The following MAP3K4 variants were observed in gnomAD, a reference collection of about 807,000 sequenced individuals.
MAP3K4 encodes the protein mitogen-activated protein kinase kinase kinase 4.
A neutral mutation model predicts 185.6 loss-of-function variants in MAP3K4; 67 were observed. The observed-to-expected ratio is 0.36, with a 90% confidence interval of 0.30 to 0.44. The LOEUF is 0.44. Ranked by LOEUF, MAP3K4 falls within the 20% of genes least tolerant of loss-of-function variation. The pLI is 1.00. For missense variants in MAP3K4, 1,551 were observed against 1,995.1 expected (o/e 0.78, Z 4.24); for synonymous variants, 702 against 710.4 (o/e 0.99, Z 0.19).
At position 161,051,012 on chromosome 6, in the gene MAP3K4, G is replaced by T. The variant is rs182353470; in HGVS notation, c.1707+1033G>T. On this transcript the variant is annotated intron_variant, in intron 3 of 26. Coordinates refer to ENST00000392142, the MANE Select transcript of MAP3K4 (RefSeq NM_005922.4). This position sits in a 1 kb window ranked among gnomAD's most constrained non-coding sequence, Gnocchi z 4.2. ...ATATAACCAATGCACAACCTCGTAT[G>T]CTTTAATCTCGAGATTATGTGTAAT... is the stretch of plus-strand genomic sequence containing the variant. 2.6e-3 allele frequency among the ~76,000 whole-genome samples: 403 copies of T among 152,264 alleles called. 3 individuals are homozygous for T. The highest frequency in any genetic ancestry group is 3.7e-3 in the Non-Finnish European group (252 of 68,034).
Position 160,991,866 on chromosome 6 carries a change from G to T in MAP3K4, c.-66G>T. 3 of 1,424,512 alleles carry T rather than the reference G, an allele frequency of 2.1e-6. No individual in the cohort carries two copies. Among genetic ancestry groups the T allele is most frequent in the East Asian group, 5.9e-5 (2 of 33,804 alleles). The allele number at this position is 1,424,512 out of a possible 1,614,324, so 88.2% of individuals were successfully genotyped here. ...AGTCGAGTCACTCCCGCACTTCGGG[G>T]CTCCGGTGCCCCGCGCCAGGCTGCA... On this transcript the variant is annotated 5_prime_UTR_variant, in exon 1 of 27. Coordinates refer to ENST00000392142, the MANE Select transcript of MAP3K4 (RefSeq NM_005922.4). This position sits in a 1 kb window ranked among gnomAD's most constrained non-coding sequence, Gnocchi z 5.7.
chr6:160,993,751 C>T (rs1780857316), intron 1 of MAP3K4, among the ~76,000 whole-genome samples: 1 of 146,540 alleles, frequency 6.8e-6, no homozygotes, highest in African/African-American at 2.5e-5. Flanking sequence ...AAAAAAAAAA[C>T]TTGACTTTTC....
intron 11 of MAP3K4, among the ~76,000 whole-genome samples, 164 bp downstream of exon 11, chr6:161,089,635 T>A (rs1335815927): frequency 1.3e-5 from 2 of 152,200 alleles, no homozygotes; most frequent in Non-Finnish European, 2.9e-5. Context: ...AAACTACATA[T>A]TCTGAGATTC....
At chr6:161,040,938 G>C (rs1783421865) in intron 2 of MAP3K4, among the ~76,000 whole-genome samples, 1 of 152,238 alleles carries the variant, frequency 6.6e-6, no homozygotes. Context: ...TTCTGCAGGT[G>C]CAGTTAACCT....
chr6:161,044,899 G>A (rs1481439055), intron 2 of MAP3K4, among the ~76,000 whole-genome samples: 2 of 152,118 alleles, frequency 1.3e-5, no homozygotes, highest in African/African-American at 2.4e-5. Context: ...CCCGTGGGGA[G>A]GGCACTAAGC....
In MAP3K4 at chr6:161,017,034, A is replaced by T. The variant is rs759695725; in HGVS notation, c.153-17225A>T. Among the ~76,000 whole-genome samples the T allele has an allele frequency of 2.0e-5, 3 of 152,166 alleles. No individual in the cohort carries two copies. The highest frequency in any genetic ancestry group is 2.0e-4 in the Admixed American group (3 of 15,276). On this transcript the variant is annotated intron_variant, in intron 1 of 26. Transcript: ENST00000392142. This position sits in a 1 kb window ranked among gnomAD's most constrained non-coding sequence, Gnocchi z 5.1. Reference sequence around the variant, plus strand: ...ATGTTAATAAAAGTTACTAGTAATGATATATATCTCGGGAGTATAATGCTT... The same window carrying T: ...ATGTTAATAAAAGTTACTAGTAATGTTATATATCTCGGGAGTATAATGCTT...
rs561689000 is a variant in MAP3K4 at position 161,056,055 on chromosome 6, C to T, written c.1707+6076C>T. On this transcript the variant is annotated intron_variant, in intron 3 of 26. Transcript: ENST00000392142. This position sits in a 1 kb window ranked among gnomAD's most constrained non-coding sequence, Gnocchi z 5.4. ...TTTACTTTGAATTATAATCCAGTAC[C>T]ATTGTTACTGATTTTGTTGCTCAGG... Among the ~76,000 whole-genome samples the T allele has an allele frequency of 6.6e-6, 1 of 152,310 alleles. No homozygotes were observed. The highest frequency in any genetic ancestry group is 6.5e-5 in the Admixed American group (1 of 15,296).
chr6:161,038,523 ATTAACT>A (rs1232678361), intron 2 of MAP3K4, among the ~76,000 whole-genome samples: 1 of 152,246 alleles, frequency 6.6e-6, no homozygotes, highest in Non-Finnish European at 1.5e-5. Flanking sequence ...GAGTCATACT[ATTAACT>A]TTAGAACTGC....
intron 15 of MAP3K4, among the ~76,000 whole-genome samples, chr6:161,095,326 CAA>C: frequency 6.6e-6 from 1 of 152,254 alleles, no homozygotes; most frequent in African/African-American, 2.4e-5. Context: ...TAAGTAATAA[CAA>C]TGTGTAAATT....
rs978095329 is a variant in MAP3K4, at chr6:161,097,335, C to T, written c.3524+159C>T. On this transcript the variant is annotated intron_variant, in intron 16 of 26. Coordinates refer to ENST00000392142, the MANE Select transcript of MAP3K4 (RefSeq NM_005922.4). The surrounding 1 kb of genome is among the most constrained non-coding windows in gnomAD (Gnocchi z 4.9). Reference sequence around the variant, plus strand: ...CTTGCATTATCTTGAAACCTTTAGTCGCAAAAGAAAAAGACATGCAAATTT... The same window carrying T: ...CTTGCATTATCTTGAAACCTTTAGTTGCAAAAGAAAAAGACATGCAAATTT... Among the ~76,000 whole-genome samples the T allele has an allele frequency of 3.9e-5, 6 of 152,154 alleles. No homozygotes were observed. The highest frequency in any genetic ancestry group is 6.5e-5 in the Admixed American group (1 of 15,272).
In MAP3K4 at chr6:161,043,443, C is replaced by G. The variant is rs1434078861; in HGVS notation, c.344-5173C>G. 6.6e-6 allele frequency among the ~76,000 whole-genome samples: 1 copy of G among 152,194 alleles called. No homozygotes were observed. Among genetic ancestry groups the G allele is most frequent in the Admixed American group, 6.5e-5 (1 of 15,294 alleles). Reference sequence around the variant, plus strand: ...TGTGGTACTCGCTGTCTTAGCCTTTCCTTGGTCAGTTGGTACTGCCTTGCA... The same window carrying G: ...TGTGGTACTCGCTGTCTTAGCCTTTGCTTGGTCAGTTGGTACTGCCTTGCA... On this transcript the variant is annotated intron_variant, in intron 2 of 26. Transcript: ENST00000392142. The surrounding 1 kb of genome is among the most constrained non-coding windows in gnomAD (Gnocchi z 4.3).
chr6:161,106,762 T>TA lies in MAP3K4; in HGVS notation c.4048+58dup. ...AGTCCCTGTTAGAAGTAGCAATAGT[T>TA]ATACTTCTTTAGGTTGAATCCTATA... On this transcript the variant is annotated intron_variant, in intron 20 of 26. Coordinates refer to ENST00000392142, the MANE Select transcript of MAP3K4 (RefSeq NM_005922.4). This position sits in a 1 kb window ranked among gnomAD's most constrained non-coding sequence, Gnocchi z 4.9. 1.4e-6 allele frequency: 2 copies of TA among 1,387,268 alleles called. No homozygotes were observed. The highest frequency in any genetic ancestry group is 2.0e-6 in the Non-Finnish European group (2 of 1,007,052). The allele number at this position is 1,387,268 out of a possible 1,614,324, so 85.9% of individuals were successfully genotyped here. A position where few individuals can be genotyped will look rare whatever the true frequency, so the allele number is the denominator to read the frequency against.
rs777816012 is a variant in MAP3K4 at position 161,049,648 on chromosome 6, A to C, written c.1376A>C (p.Asp459Ala). The change falls in exon 3 of 27, where the codon GAT (aspartate) becomes GCT (alanine). Residue 459 changes from aspartate to alanine, a missense_variant. By Grantham distance (126) the Asp-to-Ala change is moderately radical. Around this residue, in one of 16 missense-constraint regions of MAP3K4, gnomAD observed 126 missense variants for 112.8 expected, o/e 1.12. Coordinates refer to ENST00000392142, the MANE Select transcript of MAP3K4 (RefSeq NM_005922.4). This position sits in a 1 kb window ranked among gnomAD's most constrained non-coding sequence, Gnocchi z 8.4. ...TTAAAGGAGTTGGAAAGTAGTACGG[A>C]TGAGAGTGAAGAAGAACAAATCTCT... ...GELKELESST[D>A]ESEEEQISDP... 5.6e-6 allele frequency: 9 copies of C among 1,614,160 alleles called. 1 individual carries two copies. The highest frequency in any genetic ancestry group is 5.5e-5 in the South Asian group (5 of 91,080).
At position 161,070,890 on chromosome 6, in the gene MAP3K4, A is replaced by T. The variant is rs758861666; in HGVS notation, c.1950+40A>T. On this transcript the variant is annotated intron_variant, in intron 4 of 26. Coordinates refer to ENST00000392142, the MANE Select transcript of MAP3K4 (RefSeq NM_005922.4). The surrounding 1 kb of genome is among the most constrained non-coding windows in gnomAD (Gnocchi z 4.5). The stretch of plus-strand genomic sequence containing the variant: ...CTCTTTAAAATATTTAGCAATTATT[A>T]TATTATCCTACAGGCTTATCATTTT... 6.6e-7 allele frequency: 1 copy of T among 1,523,968 alleles called. No individual in the cohort carries two copies. 94.4% of individuals were successfully genotyped at this position (1,523,968 alleles called of 1,614,324 possible).
chr6:161,030,160 C>T (rs892423352), intron 1 of MAP3K4, among the ~76,000 whole-genome samples: 5 of 152,028 alleles, frequency 3.3e-5, no homozygotes, highest in Non-Finnish European at 7.4e-5. Context: ...TTTTGGACTC[C>T]AGTAACACAT....
rs551602988 is a variant in MAP3K4, at chr6:161,051,574, A to G, written c.1707+1595A>G. Among the ~76,000 whole-genome samples, 1 of 152,178 alleles carries G rather than the reference A, an allele frequency of 6.6e-6. No individual in the cohort carries two copies. Among genetic ancestry groups the G allele is most frequent in the Admixed American group, 6.5e-5 (1 of 15,278 alleles). On this transcript the variant is annotated intron_variant, in intron 3 of 26. Transcript: ENST00000392142. The surrounding 1 kb of genome is among the most constrained non-coding windows in gnomAD (Gnocchi z 4.2). The stretch of plus-strand genomic sequence containing the variant: ...AAGACAGGATTGATGTTTAATTTGT[A>G]TTGTGACCACTGGTTTTGAAGTAAC...
chr6:161,113,614 CA>C (rs1053520003), intron 25 of MAP3K4, among the ~76,000 whole-genome samples: 15 of 151,984 alleles, frequency 9.9e-5, no homozygotes, highest in African/African-American at 3.6e-4. Flanking sequence ...AACTGTGGGA[CA>C]GGGAGGGGGA....
Position 161,017,151 on chromosome 6 carries a change from T to C in MAP3K4, c.153-17108T>C, listed in dbSNP as rs541107226. 1.8e-4 allele frequency among the ~76,000 whole-genome samples: 27 copies of C among 152,316 alleles called. No homozygotes were observed. Among genetic ancestry groups the C allele is most frequent in the Admixed American group, 6.5e-4 (10 of 15,306 alleles). On this transcript the variant is annotated intron_variant, in intron 1 of 26. Transcript: ENST00000392142. This position sits in a 1 kb window ranked among gnomAD's most constrained non-coding sequence, Gnocchi z 5.1. ...GTTTAACCAACATTATATTAAATTATAAGGAAATGTTTAGGTTCTATACAG... is the reference window on the plus strand; with the variant it reads ...GTTTAACCAACATTATATTAAATTACAAGGAAATGTTTAGGTTCTATACAG...
chr6:161,034,592 C>A lies in MAP3K4; in HGVS notation c.343+143C>A. 5 of 644,314 alleles carry A rather than the reference C, an allele frequency of 7.8e-6. No individual in the cohort carries two copies. The highest frequency in any genetic ancestry group is 4.8e-5 in the South Asian group (2 of 41,400). 39.9% of individuals were successfully genotyped at this position (644,314 alleles called of 1,614,324 possible). Reference sequence around the variant, plus strand: ...GTTCAATTTTTTTTTGAATTATTACCATTAGTATTAATAAAATTGACACAT... The same window carrying A: ...GTTCAATTTTTTTTTGAATTATTACAATTAGTATTAATAAAATTGACACAT... On this transcript the variant is annotated intron_variant, in intron 2 of 26. Coordinates refer to ENST00000392142, the MANE Select transcript of MAP3K4 (RefSeq NM_005922.4). The surrounding 1 kb of genome is among the most constrained non-coding windows in gnomAD (Gnocchi z 4.4).
Sources: gnomAD v4.1 joint callset for allele counts (sites outside exome capture counted in the v4.1 genomes callset) on GRCh38, gnomAD v4.1.1 for gene constraint, gnomAD v4.1.1 regional missense constraint, Gnocchi (gnomAD v3.1) non-coding constraint, MANE v1.5 for transcripts, NCBI Gene and HGNC (gene_info 2026-07-23, HGNC 2026-07-21) for gene names.